The following PUDP variants were observed in gnomAD, a reference collection of about 807,000 sequenced individuals.
PUDP encodes the protein pseudouridine-5'-phosphatase.
Under a neutral mutation model 9.4 loss-of-function variants are expected in PUDP, and 8 were observed. That is an observed-to-expected ratio of 0.85 (90% CI 0.50 to 1.53). The LOEUF is 1.53. PUDP is among the 40% of genes most tolerant of loss of function. PUDP has a pLI of 0.00. For missense variants in PUDP, 188 were observed against 189.7 expected (o/e 0.99, Z 0.05); for synonymous variants, 99 against 80.7 (o/e 1.23, Z -1.22).
rs747624303 is a variant in PUDP, at chrX:7,017,722, A to G, written c.205-39379T>C. Among the ~76,000 whole-genome samples the G allele has an allele frequency of 5.4e-5, 6 of 111,841 alleles. No homozygotes were observed. The South Asian group carries it at 2.3e-3, about 43-fold the overall frequency. The stretch of plus-strand genomic sequence containing the variant: ...CTGATGAGCGGTGCAAACCCACCCA[A>G]TGTTTTCCCAAAACAGAAGTAACAT... On this transcript the variant is annotated intron_variant and NMD_transcript_variant, in intron 1 of 3. Coordinates refer to the PUDP transcript ENST00000655425.
chrX:7,117,836 G>C (rs187367153), intron 1 of PUDP, among the ~76,000 whole-genome samples: 5 of 113,046 alleles, frequency 4.4e-5, no homozygotes, highest in Admixed American at 1.8e-4. Context: ...GAGAAGGGTG[G>C]TTTCCTGAGC....
chrX:6,982,733 T>C (rs891418379), intron 1 of PUDP, among the ~76,000 whole-genome samples: 4 of 111,489 alleles, frequency 3.6e-5, no homozygotes, highest in African/African-American at 1.3e-4. Context: ...ACAGTTTAGT[T>C]TGGGGGAAGG....
intron 3 of PUDP, among the ~76,000 whole-genome samples, chrX:6,971,651 C>T (rs6639736): frequency 0.36 from 37,987 of 106,719 alleles, 5,342 homozygotes; most frequent in Non-Finnish European, 0.41. Flanking sequence ...GTCTTGATCT[C>T]CTGACTTCGT....
At chrX:6,838,011 T>C (rs1474431919) in intron 3 of PUDP, among the ~76,000 whole-genome samples, 1 of 111,984 alleles carries the variant, frequency 8.9e-6, no homozygotes, top group Non-Finnish European at 1.9e-5. Context: ...CATTAAATCA[T>C]GCTTTTCTAG....
chrX:7,014,858 T>C (rs890686267), intron 1 of PUDP, among the ~76,000 whole-genome samples: 7 of 111,759 alleles, frequency 6.3e-5, no homozygotes, highest in African/African-American at 2.3e-4. Context: ...GGTTAGAATA[T>C]GGCCAGGAAC....
chrX:6,976,495 C>T (rs1928958495), intron 3 of PUDP, among the ~76,000 whole-genome samples: 1 of 111,708 alleles, frequency 9.0e-6, no homozygotes, highest in South Asian at 3.8e-4. Flanking sequence ...GAGGCAACGC[C>T]CCACCCTGTT....
intron 3 of PUDP, among the ~76,000 whole-genome samples, chrX:6,846,372 G>A (rs1164264217): frequency 3.9e-5 from 4 of 103,886 alleles, no homozygotes; most frequent in Non-Finnish European, 5.9e-5. Flanking sequence ...ATCGTGCCAC[G>A]GCACTCCAGC....
chrX:6,818,899 T>C (rs1926293188), intron 3 of PUDP, among the ~76,000 whole-genome samples: 1 of 111,878 alleles, frequency 8.9e-6, no homozygotes, highest in Non-Finnish European at 1.9e-5. Flanking sequence ...TCCCATGATT[T>C]AACAAATTTT....
chrX:6,929,937 T>A (rs1388283074), intron 3 of PUDP, among the ~76,000 whole-genome samples: 1 of 111,407 alleles, frequency 9.0e-6, no homozygotes, highest in Non-Finnish European at 1.9e-5. Flanking sequence ...ATGATAGGGC[T>A]GTGTTACTGA....
At chrX:6,780,029 A>C (rs1267008147) in intron 3 of PUDP, among the ~76,000 whole-genome samples, 1 of 111,161 alleles carries the variant, frequency 9.0e-6, no homozygotes, top group Non-Finnish European at 1.9e-5. Context: ...ATTAAAAAGA[A>C]ACAAATATAG....
intron 2 of PUDP, among the ~76,000 whole-genome samples, chrX:7,086,887 A>G (rs1475983971): frequency 8.9e-6 from 1 of 112,114 alleles, no homozygotes; most frequent in Non-Finnish European, 1.9e-5. Context: ...GAAGGAAAGG[A>G]AACAGGAGAA....
intron 3 of PUDP, among the ~76,000 whole-genome samples, chrX:6,880,715 C>G (rs1255204297): frequency 8.9e-6 from 1 of 111,766 alleles, no homozygotes; most frequent in African/African-American, 3.2e-5. Flanking sequence ...AATGCCTATT[C>G]CAAATAATGA....
At chrX:7,096,618 T>C (rs1286688844) in intron 2 of PUDP, among the ~76,000 whole-genome samples, 3 of 110,270 alleles carry the variant, frequency 2.7e-5, no homozygotes, top group Non-Finnish European at 5.7e-5. Flanking sequence ...CTGCTTGAGG[T>C]AGAACTTTTG....
At chrX:6,867,847 A>G (rs1256717659) in intron 3 of PUDP, among the ~76,000 whole-genome samples, 1 of 111,700 alleles carries the variant, frequency 9.0e-6, no homozygotes, top group African/African-American at 3.3e-5. Context: ...ACAGCATGAC[A>G]CCAGTATCTG....
At chrX:6,966,015 C>CAT (rs1928778912) in intron 3 of PUDP, among the ~76,000 whole-genome samples, 1 of 110,702 alleles carries the variant, frequency 9.0e-6, no homozygotes, top group African/African-American at 3.3e-5. Context: ...ACATAATTTG[C>CAT]ATATGAATAG....
chrX:6,865,312 A>G lies in PUDP; in HGVS notation c.*247+111821T>C, dbSNP rs542596616. On this transcript the variant is annotated intron_variant and NMD_transcript_variant, in intron 3 of 3. Coordinates refer to the PUDP transcript ENST00000655425. ...TAGCTGATTTTCTGTAAAGGCAACT[A>G]TCTACATAAAATCATCTCAACCTCC... Among the ~76,000 whole-genome samples, 44 of 112,112 alleles carry G rather than the reference A, an allele frequency of 3.9e-4. No homozygotes were observed. The South Asian group carries it at 0.016, about 40-fold the overall frequency.
chrX:7,108,873 T>C (rs1008551774), intron 1 of PUDP, among the ~76,000 whole-genome samples: 1 of 111,892 alleles, frequency 8.9e-6, no homozygotes, highest in African/African-American at 3.3e-5. Context: ...TTTATTAAGT[T>C]TGCTGTAAAA....
chrX:6,850,789 G>T (rs1232235178), intron 3 of PUDP, among the ~76,000 whole-genome samples: 1 of 111,964 alleles, frequency 8.9e-6, no homozygotes, highest in African/African-American at 3.2e-5. Flanking sequence ...AATGAAAATA[G>T]CTGACACCTG....
intron 1 of PUDP, among the ~76,000 whole-genome samples, chrX:6,994,310 G>A: frequency 8.9e-6 from 1 of 111,892 alleles, no homozygotes; most frequent in Middle Eastern, 4.6e-3. Flanking sequence ...CTACTTGGGA[G>A]GCTGAGGTGG....
Sources: allele counts gnomAD v4.1 joint callset (sites outside exome capture counted in the v4.1 genomes callset), GRCh38; gene constraint gnomAD v4.1.1; transcripts MANE v1.5; gene names NCBI Gene and HGNC (gene_info 2026-07-23, HGNC 2026-07-21).